The following ADAM28 variants were observed in gnomAD, a reference collection of about 807,000 sequenced individuals.
ADAM28 encodes the protein ADAM metallopeptidase domain 28, also known as disintegrin and metalloproteinase domain-containing protein 28.
Under a neutral mutation model 101.2 loss-of-function variants are expected in ADAM28, and 105 were observed. That is an observed-to-expected ratio of 1.04 (90% confidence interval 0.89 to 1.22). ADAM28 has a LOEUF of 1.22. Ranked by LOEUF, ADAM28 falls within the 50% of genes most tolerant of loss-of-function variation. ADAM28 has a pLI of 0.00. For synonymous variants in ADAM28, 322 were observed against 310.6 expected (o/e 1.04, Z -0.39); for missense variants, 1,028 against 945.4 (o/e 1.09, Z -1.15).
chr8:24,347,221 T>C (rs1012217937), intron 18 of ADAM28, among the ~76,000 whole-genome samples: 2 of 152,142 alleles, frequency 1.3e-5, no homozygotes, highest in African/African-American at 4.8e-5. Flanking sequence ...AATAAGTCAA[T>C]TGGTTTGTGA....
At chr8:24,302,213 A>G (rs1808872392) in intron 2 of ADAM28, among the ~76,000 whole-genome samples, 1 of 152,072 alleles carries the variant, frequency 6.6e-6, no homozygotes, top group African/African-American at 2.4e-5. Context: ...TTCCTGTGTA[A>G]GTTCACTGTG....
In ADAM28 at chr8:24,309,878, T is replaced by A; in HGVS notation, c.151-16T>A. On this transcript the variant is annotated splice_polypyrimidine_tract_variant and intron_variant, in intron 2 of 22. Transcript: ENST00000265769. ...TATGTTTTTAATTACAAGTAAATGT[T>A]TGTGTATTTTTGCAGGAACAATTTG... is the stretch of plus-strand genomic sequence containing the variant. 1 of 1,482,140 alleles carries A rather than the reference T, an allele frequency of 6.7e-7. No individual in the cohort carries two copies. Among genetic ancestry groups the A allele is most frequent in the Non-Finnish European group, 9.4e-7 (1 of 1,066,734 alleles). The allele number at this position is 1,482,140 out of a possible 1,614,324, so 91.8% of individuals were successfully genotyped here. A position where few individuals can be genotyped will look rare whatever the true frequency, so the allele number is the denominator to read the frequency against.
intron 15 of ADAM28, among the ~76,000 whole-genome samples, chr8:24,339,914 T>C (rs1469835698): frequency 6.6e-6 from 1 of 152,160 alleles, no homozygotes; most frequent in Non-Finnish European, 1.5e-5. Flanking sequence ...ATCAGATGCT[T>C]TCTCAATCTC....
intron 14 of ADAM28, among the ~76,000 whole-genome samples, chr8:24,337,981 T>A (rs1814295463): frequency 6.6e-6 from 1 of 152,250 alleles, no homozygotes; most frequent in Admixed American, 6.5e-5. Context: ...GGCAAAAGTT[T>A]GCTACAGATG....
rs1251416307 is a variant in ADAM28 at position 24,328,526 on chromosome 8, T to C, written c.973-1459T>C. 1.3e-5 allele frequency among the ~76,000 whole-genome samples: 2 copies of C among 152,096 alleles called. 1 individual carries two copies. The highest frequency in any genetic ancestry group is 2.9e-5 in the Non-Finnish European group (2 of 68,010). On this transcript the variant is annotated intron_variant, in intron 10 of 22. Transcript: ENST00000265769. ...CATAAAATTGGAAGAGAAACTGGCCTACCTAAAGCAATAGTTCTAACATAT... is the reference window on the plus strand; with the variant it reads ...CATAAAATTGGAAGAGAAACTGGCCCACCTAAAGCAATAGTTCTAACATAT...
At chr8:24,351,027 A>C (rs1816050996) in intron 19 of ADAM28, among the ~76,000 whole-genome samples, 2 of 152,106 alleles carry the variant, frequency 1.3e-5, no homozygotes, top group Non-Finnish European at 2.9e-5. Context: ...TTGGAGAAAA[A>C]AGAAAACTAG....
intron 2 of ADAM28, among the ~76,000 whole-genome samples, chr8:24,308,132 G>C (rs1035069314): frequency 6.6e-6 from 1 of 152,126 alleles, no homozygotes; most frequent in African/African-American, 2.4e-5. Context: ...TGGTCAGCTA[G>C]TCTTACTCAG....
At chr8:24,336,490 G>T (rs2129318604) in intron 14 of ADAM28, among the ~76,000 whole-genome samples, 1 of 146,692 alleles carries the variant, frequency 6.8e-6, no homozygotes, top group African/African-American at 2.5e-5. Flanking sequence ...TGAGGCAGGA[G>T]AAGGGCCTGA....
At chr8:24,333,120 T>C (rs368549178) in intron 13 of ADAM28, among the ~76,000 whole-genome samples, 1 of 152,112 alleles carries the variant, frequency 6.6e-6, no homozygotes, top group African/African-American at 2.4e-5. Flanking sequence ...CCAAAAACGT[T>C]GAATACACGC....
chr8:24,325,888 A>AAAAAAAC (rs1563296980), intron 9 of ADAM28, among the ~76,000 whole-genome samples: 2 of 136,128 alleles, frequency 1.5e-5, no homozygotes, highest in African/African-American at 5.4e-5. Context: ...AAAAAAAAAA[A>AAAAAAAC]AAAAAAAAAA....
chr8:24,309,764 G>T lies in ADAM28; in HGVS notation c.151-130G>T, dbSNP rs1041859250. The T allele has an allele frequency of 4.7e-6, 3 of 634,438 alleles. No individual in the cohort carries two copies. In the African/African-American group the frequency reaches 5.6e-5, roughly 12 times the overall value. 39.3% of individuals were successfully genotyped at this position (634,438 alleles called of 1,614,324 possible). A position where few individuals can be genotyped will look rare whatever the true frequency, so the allele number is the denominator to read the frequency against. Reference sequence around the variant, plus strand: ...CAGAGTTGTTTGATCTGTCAAGAGGGGAAGAGGCAAGTATTTGGTATTATA... The same window carrying T: ...CAGAGTTGTTTGATCTGTCAAGAGGTGAAGAGGCAAGTATTTGGTATTATA... On this transcript the variant is annotated intron_variant, in intron 2 of 22. Coordinates refer to ENST00000265769, the MANE Select transcript of ADAM28 (RefSeq NM_014265.6).
Position 24,331,253 on chromosome 8 carries a change from G to A in ADAM28, c.1207G>A (p.Asp403Asn), listed in dbSNP as rs781204217. The change falls in exon 12 of 23, where the codon GAT becomes AAT. Residue 403 changes from aspartate to asparagine, a missense_variant. By Grantham distance (23) the Asp-to-Asn change is conservative. Coordinates refer to ENST00000265769, the MANE Select transcript of ADAM28 (RefSeq NM_014265.6). Reference sequence around the variant, plus strand: ...CCTCTTTAATGCTCCATTGCCTACAGATATCATATCCACTCCAATTTGTGG... The same window carrying A: ...CCTCTTTAATGCTCCATTGCCTACAAATATCATATCCACTCCAATTTGTGG... Reference protein sequence around the residue: ...NCLFNAPLPTDIISTPICGNQ... With the variant: ...NCLFNAPLPTNIISTPICGNQ... 3.7e-6 allele frequency: 6 copies of A among 1,613,104 alleles called. No homozygotes were observed. Among genetic ancestry groups the A allele is most frequent in the Non-Finnish European group, 5.1e-6 (6 of 1,179,492 alleles).
intron 14 of ADAM28, among the ~76,000 whole-genome samples, chr8:24,338,647 A>T (rs1814391483): frequency 1.3e-5 from 2 of 152,208 alleles, no homozygotes; most frequent in African/African-American, 4.8e-5. Flanking sequence ...TATTTCTTAA[A>T]AACAATGCCG....
chr8:24,335,836 G>A (rs758959073), intron 14 of ADAM28, 195 bp downstream of exon 14: 47 of 1,247,654 alleles, frequency 3.8e-5, no homozygotes, highest in African/African-American at 4.6e-5. Flanking sequence ...GGATGGCCCC[G>A]TTAAATTTTA....
In ADAM28 at chr8:24,356,205, C is replaced by T. The variant is rs1051335136; in HGVS notation, c.*1801C>T. On this transcript the variant is annotated 3_prime_UTR_variant, in exon 23 of 23. Transcript: ENST00000265769. Reference sequence around the variant, plus strand: ...GAGGTTTCAGAAGACCCTCCCCTGACCCAGAAATAAATCCCTATTTCCTGG... The same window carrying T: ...GAGGTTTCAGAAGACCCTCCCCTGATCCAGAAATAAATCCCTATTTCCTGG... The T allele has an allele frequency of 2.6e-5, 4 of 152,150 alleles. No individual in the cohort carries two copies. Among genetic ancestry groups the T allele is most frequent in the African/African-American group, 4.8e-5 (2 of 41,450 alleles). 9.4% of individuals were successfully genotyped at this position (152,150 alleles called of 1,614,324 possible). A position where few individuals can be genotyped will look rare whatever the true frequency, so the allele number is the denominator to read the frequency against.
intron 18 of ADAM28, among the ~76,000 whole-genome samples, chr8:24,348,832 C>A (rs1035947663): frequency 1.3e-5 from 2 of 152,122 alleles, no homozygotes; most frequent in Non-Finnish European, 2.9e-5. Flanking sequence ...GAAGTACTGC[C>A]AAATTCCCAT....
In ADAM28 at chr8:24,357,661, G is replaced by T. The variant is rs1332985214; in HGVS notation, c.*3257G>T. On this transcript the variant is annotated 3_prime_UTR_variant, in exon 23 of 23. Coordinates refer to ENST00000265769, the MANE Select transcript of ADAM28 (RefSeq NM_014265.6). ...TATAGCAATTAAAAAAATGAGATTT[G>T]GGGGGATGGACACAGAGCCAAACCA... 3 of 152,088 alleles carry T rather than the reference G, an allele frequency of 2.0e-5. No homozygotes were observed. The highest frequency in any genetic ancestry group is 6.6e-5 in the Admixed American group (1 of 15,264). 9.4% of individuals were successfully genotyped at this position (152,088 alleles called of 1,614,324 possible).
chr8:24,323,315 C>T (rs1350594000), intron 8 of ADAM28, among the ~76,000 whole-genome samples: 1 of 151,940 alleles, frequency 6.6e-6, no homozygotes, highest in African/African-American at 2.4e-5. Flanking sequence ...GATTTCAACA[C>T]ATGAATTTTG....
At position 24,294,077 on chromosome 8, in the gene ADAM28, G is replaced by A. The variant is rs1046231381; in HGVS notation, c.-73G>A. On this transcript the variant is annotated 5_prime_UTR_variant, in exon 1 of 23. Coordinates refer to ENST00000265769, the MANE Select transcript of ADAM28 (RefSeq NM_014265.6). Reference sequence around the variant, plus strand: ...GAGTTTCATTCTGTCTCACTGGAGAGGAGGCAGGGACAGACCCAGCAGCAC... The same window carrying A: ...GAGTTTCATTCTGTCTCACTGGAGAAGAGGCAGGGACAGACCCAGCAGCAC... The A allele has an allele frequency of 3.3e-5, 50 of 1,492,968 alleles. No homozygotes were observed. Among genetic ancestry groups the A allele is most frequent in the Non-Finnish European group, 4.3e-5 (46 of 1,070,564 alleles). The allele number at this position is 1,492,968 out of a possible 1,614,324, so 92.5% of individuals were successfully genotyped here.
Sources: gnomAD v4.1 joint callset for allele counts (sites outside exome capture counted in the v4.1 genomes callset) on GRCh38, gnomAD v4.1.1 for gene constraint, MANE v1.5 for transcripts, NCBI Gene and HGNC (gene_info 2026-07-23, HGNC 2026-07-21) for gene names.